DPP10: variants seen among roughly 807,000 people sequenced by gnomAD.
DPP10 encodes the protein inactive dipeptidyl peptidase 10.
Under a neutral mutation model 120.9 loss-of-function variants are expected in DPP10, and 33 were observed. That is an observed-to-expected ratio of 0.27 (90% CI 0.21 to 0.37). The LOEUF is 0.37. Ranked by LOEUF, DPP10 falls within the 10% of genes least tolerant of loss-of-function variation. The pLI is 1.00. For synonymous variants in DPP10, 337 were observed against 326.1 expected, an observed-to-expected ratio of 1.03 and a Z score of -0.36; for missense variants, 816 against 942.8, an observed-to-expected ratio of 0.87 and a Z score of 1.76.
At chr2:114,981,773 G>A (rs1209657431) in intron 1 of DPP10, among the ~76,000 whole-genome samples, 1 of 138,932 alleles carries the variant, frequency 7.2e-6, no homozygotes, top group African/African-American at 2.6e-5. Flanking sequence ...TTTGTTTTTT[G>A]TTTTTGTTTT....
At chr2:114,584,473 C>G (rs1010267375) in intron 1 of DPP10, among the ~76,000 whole-genome samples, 1 of 151,568 alleles carries the variant, frequency 6.6e-6, no homozygotes, top group Non-Finnish European at 1.5e-5. Context: ...TATACATGTG[C>G]CATGTTGGTG....
chr2:114,535,402 G>A lies in DPP10; in HGVS notation c.60+92564G>A, dbSNP rs369716881. The stretch of plus-strand genomic sequence containing the variant: ...TAATTAGCCAAATTGGGAAAATAAG[G>A]CCATCTCTCTACCTCGTAATTTCCT... On this transcript the variant is annotated intron_variant, in intron 1 of 25. Transcript: ENST00000410059. 2.6e-5 allele frequency among the ~76,000 whole-genome samples: 4 copies of A among 152,210 alleles called. No homozygotes were observed. The East Asian group carries it at 5.8e-4, about 22-fold the overall frequency.
At chr2:115,563,344 C>G (rs1369594753) in intron 5 of DPP10, among the ~76,000 whole-genome samples, 1 of 152,010 alleles carries the variant, frequency 6.6e-6, no homozygotes, top group African/African-American at 2.4e-5. Context: ...AAAGCCTTGT[C>G]TCATGTTTAT....
At chr2:114,973,436 T>A (rs1001237590) in intron 1 of DPP10, among the ~76,000 whole-genome samples, 2 of 150,670 alleles carry the variant, frequency 1.3e-5, no homozygotes, top group African/African-American at 4.9e-5. Flanking sequence ...ACGAGGCGGG[T>A]GGATCACGAG....
intron 4 of DPP10, among the ~76,000 whole-genome samples, chr2:115,500,635 T>A (rs1182525280): frequency 6.6e-6 from 1 of 151,944 alleles, no homozygotes; most frequent in Non-Finnish European, 1.5e-5. Flanking sequence ...TAATGTACAT[T>A]AATAATAAGG....
chr2:114,725,994 A>G (rs1456455591), intron 1 of DPP10, among the ~76,000 whole-genome samples: 1 of 152,138 alleles, frequency 6.6e-6, no homozygotes, highest in Non-Finnish European at 1.5e-5. Context: ...GCACTTTGGG[A>G]GGCCGAGGCG....
At chr2:115,207,928 A>G (rs937410958) in intron 1 of DPP10, among the ~76,000 whole-genome samples, 5 of 152,312 alleles carry the variant, frequency 3.3e-5, no homozygotes, top group East Asian at 1.9e-4. Context: ...TTATATAACA[A>G]TAGATTGGCA....
intron 19 of DPP10, among the ~76,000 whole-genome samples, chr2:115,806,842 C>T (rs149643834): frequency 1.6e-4 from 25 of 151,596 alleles, no homozygotes; most frequent in African/African-American, 5.8e-4. Flanking sequence ...CTAAATTGCC[C>T]CCCCACCCCC....
intron 3 of DPP10, among the ~76,000 whole-genome samples, chr2:115,349,263 C>T (rs1420116968): frequency 3.3e-5 from 5 of 151,996 alleles, no homozygotes; most frequent in Non-Finnish European, 7.4e-5. Flanking sequence ...GTCTTTGTAA[C>T]GTGTGACAGT....
At chr2:115,276,485 A>G (rs1003745848) in intron 1 of DPP10, among the ~76,000 whole-genome samples, 6 of 152,214 alleles carry the variant, frequency 3.9e-5, no homozygotes, top group African/African-American at 1.4e-4. Context: ...GCTATTTCGA[A>G]AAACCTAAAA....
intron 24 of DPP10, among the ~76,000 whole-genome samples, 185 bp from the exon 25 acceptor site, chr2:115,840,565 C>T (rs533281381): frequency 6.6e-6 from 1 of 151,858 alleles, no homozygotes; most frequent in Non-Finnish European, 1.5e-5. Flanking sequence ...ACCTTGTGAT[C>T]GGCCCACCTC....
At chr2:115,021,540 C>T (rs565569360) in intron 1 of DPP10, among the ~76,000 whole-genome samples, 1 of 151,808 alleles carries the variant, frequency 6.6e-6, no homozygotes, top group East Asian at 1.9e-4. Flanking sequence ...TTGACAAAAA[C>T]TGTATGTGAC....
intron 3 of DPP10, among the ~76,000 whole-genome samples, chr2:115,427,083 C>G (rs976722381): frequency 6.6e-6 from 1 of 152,210 alleles, no homozygotes; most frequent in Non-Finnish European, 1.5e-5. Context: ...CCAAAATACA[C>G]TCCTTTGATG....
At chr2:115,540,004 A>G (rs1357503691) in intron 5 of DPP10, among the ~76,000 whole-genome samples, 1 of 151,902 alleles carries the variant, frequency 6.6e-6, no homozygotes, top group Non-Finnish European at 1.5e-5. Flanking sequence ...GTGTGTTAGT[A>G]AATTAACCAG....
Position 115,442,363 on chromosome 2 carries a change from T to TTGTGTG in DPP10, c.272-57128_272-57123dup, listed in dbSNP as rs555025083. ...CAATATATTATCTGTGTGTGTGTGT[T>TTGTGTG]TGTGTGTGTGTGTGTGTGTGTGTGC... On this transcript the variant is annotated intron_variant, in intron 3 of 25. Transcript: ENST00000410059. Among the ~76,000 whole-genome samples, 352 of 147,346 alleles carry TTGTGTG rather than the reference T, an allele frequency of 2.4e-3. 2 individuals are homozygous for TTGTGTG. The highest frequency in any genetic ancestry group is 3.4e-3 in the Middle Eastern group (1 of 290).
At chr2:115,030,543 G>A (rs1289453822) in intron 1 of DPP10, among the ~76,000 whole-genome samples, 1 of 152,132 alleles carries the variant, frequency 6.6e-6, no homozygotes, top group African/African-American at 2.4e-5. Context: ...TTAGTTAAAT[G>A]TGTGCCATGG....
At chr2:115,141,844 G>A (rs1312889376) in intron 1 of DPP10, among the ~76,000 whole-genome samples, 1 of 152,088 alleles carries the variant, frequency 6.6e-6, no homozygotes, top group Non-Finnish European at 1.5e-5. Flanking sequence ...CTCAACGTCA[G>A]CTCACTGCAA....
chr2:115,832,556 T>C (rs1326043300), intron 21 of DPP10, among the ~76,000 whole-genome samples: 1 of 152,184 alleles, frequency 6.6e-6, no homozygotes, highest in Non-Finnish European at 1.5e-5. Context: ...AAAGAAGCAT[T>C]TGTGGTTCAA....
intron 3 of DPP10, among the ~76,000 whole-genome samples, chr2:115,473,336 G>A (rs984090076): frequency 4.6e-5 from 7 of 152,132 alleles, no homozygotes; most frequent in African/African-American, 1.7e-4. Flanking sequence ...ATTGGGACAA[G>A]CTGGGACAGT....
Sources: allele counts gnomAD v4.1 joint callset (sites outside exome capture counted in the v4.1 genomes callset), GRCh38; gene constraint gnomAD v4.1.1; transcripts MANE v1.5; gene names NCBI Gene and HGNC (gene_info 2026-07-23, HGNC 2026-07-21).